SLC34A1: variants seen among roughly 807,000 people sequenced by gnomAD.
SLC34A1 encodes the protein sodium-dependent phosphate transport protein 2A.
A neutral mutation model predicts 51.4 loss-of-function variants in SLC34A1; 57 were observed. That is an observed-to-expected ratio of 1.11 (90% CI 0.90 to 1.38). The LOEUF is 1.38. Ranked by LOEUF, SLC34A1 falls within the 40% of genes most tolerant of loss-of-function variation. The pLI, the probability that SLC34A1 is intolerant of heterozygous loss-of-function variation, is 0.00. For synonymous variants in SLC34A1, 368 were observed against 358.0 expected, an observed-to-expected ratio of 1.03 and a Z score of -0.32; for missense variants, 796 against 835.6, an observed-to-expected ratio of 0.95 and a Z score of 0.58.
chr5:177,393,588 G>C (rs892685959), intron 8 of SLC34A1, 106 bp from the exon 9 acceptor site: 1 of 1,038,078 alleles, frequency 9.6e-7, no homozygotes, highest in Non-Finnish European at 1.5e-6. Flanking sequence ...TGGTCACAGA[G>C]CAGGAGGCCC....
chr5:177,387,913 G>A lies in SLC34A1; in HGVS notation c.644+40G>A, dbSNP rs1187248781. ...GGGTTGGGGGCTCGTGCCTGGGGGA[G>A]GACAGCCCCAGATGCCAGGAACCCC... On this transcript the variant is annotated intron_variant, in intron 6 of 12. Transcript: ENST00000324417. 3.1e-6 allele frequency: 5 copies of A among 1,608,176 alleles called. No individual in the cohort carries two copies. The South Asian group carries it at 3.3e-5, about 11-fold the overall frequency.
intron 8 of SLC34A1, among the ~76,000 whole-genome samples, chr5:177,392,251 C>G (rs6556314): frequency 1.3e-3 from 191 of 152,150 alleles, no homozygotes; most frequent in African/African-American, 4.2e-3. Context: ...CACCTGAGGT[C>G]AGGAGTTCGA....
In SLC34A1 at chr5:177,386,221, A is replaced by T. The variant is rs768933223; in HGVS notation, c.260A>T (p.Glu87Val). The change falls in exon 4 of 13, where the codon GAG (glutamate) becomes GTG (valine). Residue 87 changes from glutamate to valine, a missense_variant and splice_region_variant. Physicochemically the swap from Glu to Val is moderately radical, Grantham distance 121 (BLOSUM62 -2). Transcript: ENST00000324417. This position sits in a 1 kb window ranked among gnomAD's most constrained non-coding sequence, Gnocchi z 4.8. Reference protein sequence around the residue: ...KLALEEEQKPESRLVPKLRQA... With the variant: ...KLALEEEQKPVSRLVPKLRQA... ...TATGCTCATGGCTTCCCCCATCCAG[A>T]GTCCAGGCTGGTCCCCAAGCTGCGC... 5.0e-6 allele frequency: 8 copies of T among 1,614,164 alleles called. No homozygotes were observed. In the South Asian group the frequency reaches 8.8e-5, roughly 18 times the overall value.
intron 5 of SLC34A1, among the ~76,000 whole-genome samples, chr5:177,387,312 A>G (rs191377511): frequency 0.013 from 1,930 of 152,116 alleles, 17 homozygotes; most frequent in Middle Eastern, 0.051. Context: ...GGAGAATGGC[A>G]TGAACCCAGG....
chr5:177,393,814 G>C, intron 9 of SLC34A1, 51 bp downstream of exon 9: 1 of 1,590,958 alleles, frequency 6.3e-7, no homozygotes. Context: ...GCAGAGCCTA[G>C]CAGTGGCAGG....
Position 177,386,036 on chromosome 5 carries a change from C to T in SLC34A1, c.159C>T (p.Gly53=). ...CTGCCTATGCCTTCCCCAGCCTGGG[C>T]CCTGTGGCCCTTGCTGAGCACACCT... ...GTSAYAFPSL[G]PVALAEHTCP... is the part of the protein sequence containing the mutation. The change falls in exon 3 of 13, where the codon GGC becomes GGT. Residue 53 remains glycine, a synonymous_variant. Transcript: ENST00000324417. The surrounding 1 kb of genome is among the most constrained non-coding windows in gnomAD (Gnocchi z 4.8). 6.2e-7 allele frequency: 1 copy of T among 1,609,020 alleles called. No homozygotes were observed. The highest frequency in any genetic ancestry group is 8.5e-7 in the Non-Finnish European group (1 of 1,177,110).
chr5:177,386,590 G>A lies in SLC34A1; in HGVS notation c.532+24G>A, dbSNP rs747997092. 22 of 1,613,184 alleles carry A rather than the reference G, an allele frequency of 1.4e-5. No homozygotes were observed. The highest frequency in any genetic ancestry group is 2.2e-5 in the South Asian group (2 of 91,074). ...CTGTGAGTTGGCCCACCAGGGTGGG[G>A]AAGAGCTTGGAGGGGCACCCCAGGA... On this transcript the variant is annotated intron_variant, in intron 5 of 12. Coordinates refer to ENST00000324417, the MANE Select transcript of SLC34A1 (RefSeq NM_003052.5). This position sits in a 1 kb window ranked among gnomAD's most constrained non-coding sequence, Gnocchi z 4.8.
intron 5 of SLC34A1, among the ~76,000 whole-genome samples, chr5:177,387,416 T>C (rs1234160620): frequency 6.6e-6 from 1 of 152,018 alleles, no homozygotes; most frequent in Non-Finnish European, 1.5e-5. Context: ...ACAAAAAAAC[T>C]AACCATCACA....
intron 12 of SLC34A1, 148 bp downstream of exon 12, chr5:177,397,222 T>G: frequency 1.0e-6 from 1 of 966,538 alleles, no homozygotes; most frequent in South Asian, 1.6e-5. Flanking sequence ...ATGGGCAAAG[T>G]AGACCCAATA....
chr5:177,398,070 C>T lies in SLC34A1; in HGVS notation c.1704C>T (p.His568=), dbSNP rs1763029973. The stretch of plus-strand genomic sequence containing the variant: ...TCCTGCAGAGTCGGAGTCCCGGGCA[C>T]CTGCCCAAGTGGTTACAGACATGGG... ...INVLQSRSPG[H]LPKWLQTWDF... The change falls in exon 13 of 13, where the codon CAC becomes CAT. Residue 568 remains histidine (H), a synonymous_variant. Coordinates refer to ENST00000324417, the MANE Select transcript of SLC34A1 (RefSeq NM_003052.5). The surrounding 1 kb of genome is among the most constrained non-coding windows in gnomAD (Gnocchi z 4.7). 2 of 1,613,762 alleles carry T rather than the reference C, an allele frequency of 1.2e-6. No individual in the cohort carries two copies. Among genetic ancestry groups the T allele is most frequent in the African/African-American group, 1.3e-5 (1 of 74,924 alleles).
Position 177,388,232 on chromosome 5 carries a change from G to A in SLC34A1, c.840+43G>A, listed in dbSNP as rs375446484. 1.1e-5 allele frequency: 17 copies of A among 1,613,796 alleles called. No individual in the cohort carries two copies. The African/African-American group carries it at 2.0e-4, about 19-fold the overall frequency. On this transcript the variant is annotated intron_variant, in intron 7 of 12. Transcript: ENST00000324417. This position sits in a 1 kb window ranked among gnomAD's most constrained non-coding sequence, Gnocchi z 4.3. ...CATGGGGTGAGGGTGGGGGTAACAA[G>A]GGACCCAGCCTCCTTCACTCCCCCT...
intron 5 of SLC34A1, 125 bp from the exon 6 acceptor site, chr5:177,387,637 G>C: frequency 2.4e-6 from 2 of 819,222 alleles, no homozygotes; most frequent in South Asian, 2.8e-5. Context: ...ACGTTAGGCA[G>C]ACTCAGCAGC....
At chr5:177,397,356 G>T in intron 12 of SLC34A1, 1 of 512,822 alleles carries the variant, frequency 1.9e-6, no homozygotes, top group Non-Finnish European at 3.5e-6. Flanking sequence ...AAGAGGGCCT[G>T]GAGCAGTTTG....
Position 177,398,268 on chromosome 5 carries a change from C to T in SLC34A1, c.1902C>T (p.His634=). The T allele has an allele frequency of 6.3e-7, 1 of 1,599,176 alleles. No homozygotes were observed. The highest frequency in any genetic ancestry group is 8.5e-7 in the Non-Finnish European group (1 of 1,179,926). The stretch of plus-strand genomic sequence containing the variant: ...CCCGTCTTGCACTGCCTGCTCACCA[C>T]AATGCCACCCGCCTCTAGGCTGTGG... ...PSPRLALPAH[H]NATRL is the part of the protein sequence containing the mutation. Residue 634 remains histidine, a synonymous_variant, in exon 13 of 13, where the codon CAC becomes CAT. Coordinates refer to ENST00000324417, the MANE Select transcript of SLC34A1 (RefSeq NM_003052.5). The surrounding 1 kb of genome is among the most constrained non-coding windows in gnomAD (Gnocchi z 4.7).
Position 177,386,330 on chromosome 5 carries a change from G to T in SLC34A1, c.369G>T (p.Ser123=), listed in dbSNP as rs760473872. The T allele has an allele frequency of 1.2e-6, 2 of 1,614,250 alleles. No homozygotes were observed. Among genetic ancestry groups the T allele is most frequent in the Non-Finnish European group, 1.7e-6 (2 of 1,180,046 alleles). ...LFVCSLDMLS[S]AFQLAGGKVA... ...TCTGCTCCCTGGACATGCTCAGCTC[G>T]GCCTTCCAGCTGGCTGGAGGTAGGG... Residue 123 remains serine, a synonymous_variant, in exon 4 of 13, where the codon TCG becomes TCT. Transcript: ENST00000324417. This position sits in a 1 kb window ranked among gnomAD's most constrained non-coding sequence, Gnocchi z 4.8.
Position 177,389,580 on chromosome 5 carries a change from C to T in SLC34A1, c.936+1208C>T, listed in dbSNP as rs554396193. The T allele has an allele frequency of 4.1e-5, 63 of 1,534,914 alleles. 1 individual carries two copies. In the South Asian group the frequency reaches 5.4e-4, roughly 13 times the overall value. ...CTTTAATACATCAACCACTTTCTCA[C>T]GAGCTCTCTGAGCACTCTTAGTGCT... On this transcript the variant is annotated intron_variant, in intron 8 of 12. Coordinates refer to ENST00000324417, the MANE Select transcript of SLC34A1 (RefSeq NM_003052.5).
rs1321079113 is a variant in SLC34A1, at chr5:177,386,116, TGGA to T, written c.247_249del (p.Glu83del). ...GAACCACTGCCTGCCAAGCTGGCCC[TGGA>T]GGAGGAGCAGAAGCCAGGTGGGCCT... On this transcript the variant is annotated inframe_deletion, in exon 3 of 13. Coordinates refer to ENST00000324417, the MANE Select transcript of SLC34A1 (RefSeq NM_003052.5). This position sits in a 1 kb window ranked among gnomAD's most constrained non-coding sequence, Gnocchi z 4.8. The T allele has an allele frequency of 1.9e-6, 3 of 1,613,356 alleles. No homozygotes were observed. The African/African-American group carries it at 4.0e-5, about 22-fold the overall frequency.
In SLC34A1 at chr5:177,385,677, A is replaced by C; in HGVS notation, c.-47-18A>C. On this transcript the variant is annotated intron_variant, in intron 1 of 12. Transcript: ENST00000324417. ...GTGTGTGGGCATGAGTGTCCCGGAC[A>C]CAGCTATTGTCATTCAGCGTTGCTG... The C allele has an allele frequency of 8.5e-7, 1 of 1,181,918 alleles. No homozygotes were observed. 73.2% of individuals were successfully genotyped at this position (1,181,918 alleles called of 1,614,324 possible).
At chr5:177,389,151 A>T (rs1392781819) in intron 8 of SLC34A1, among the ~76,000 whole-genome samples, 1 of 152,056 alleles carries the variant, frequency 6.6e-6, no homozygotes, top group Non-Finnish European at 1.5e-5. Context: ...ATGCTCATGG[A>T]CCACCCATTA....
Sources: allele counts gnomAD v4.1 joint callset (sites outside exome capture counted in the v4.1 genomes callset), GRCh38; gene constraint gnomAD v4.1.1; non-coding constraint Gnocchi (gnomAD v3.1); transcripts MANE v1.5; gene names NCBI Gene and HGNC (gene_info 2026-07-23, HGNC 2026-07-21).